Variants in EYS observed in about 807,000 individuals in gnomAD.
The protein encoded by EYS is EGF-like photoreceptor maintenance factor, also known as protein eyes shut homolog.
EYS carries 250 observed loss-of-function variants against 282.1 expected under a neutral mutation model. That is an observed-to-expected ratio of 0.89 (90% CI 0.80 to 0.98). The LOEUF is 0.98. Among genes scored for constraint, EYS ranks in the 50% least tolerant of loss-of-function variants. The probability of loss-of-function intolerance (pLI) is 0.00; values close to 1 mark genes in which losing one functional copy is unlikely to be tolerated. For missense variants in EYS, 4,016 were observed against 3,709.0 expected (o/e 1.08, Z -2.15); for synonymous variants, 1,355 against 1,282.9 (o/e 1.06, Z -1.20).
At chr6:63,794,557 C>T (rs565451561) in intron 37 of EYS, among the ~76,000 whole-genome samples, 3 of 152,126 alleles carry the variant, frequency 2.0e-5, no homozygotes, top group East Asian at 1.9e-4. Context: ...TGTAATGGGA[C>T]GTTCTTGGCT....
chr6:64,742,365 T>C (rs1772404988), intron 22 of EYS, among the ~76,000 whole-genome samples: 1 of 152,076 alleles, frequency 6.6e-6, no homozygotes, highest in South Asian at 2.1e-4. Context: ...CTGTAACAGA[T>C]TTAATGACAA....
chr6:64,778,124 T>A (rs908146139), intron 22 of EYS, among the ~76,000 whole-genome samples: 3 of 152,120 alleles, frequency 2.0e-5, no homozygotes, highest in Non-Finnish European at 4.4e-5. Context: ...TACATATCTC[T>A]CAGATGCCAG....
chr6:63,856,936 A>G lies in EYS; in HGVS notation c.7228+7250T>C, dbSNP rs115334641. Among the ~76,000 whole-genome samples, 520 of 152,328 alleles carry G rather than the reference A, an allele frequency of 3.4e-3. 4 individuals carry two copies. Among genetic ancestry groups the G allele is most frequent in the African/African-American group, 0.012 (494 of 41,586 alleles). ...CAGATACACTTAATAAAACATATTG[A>G]AATATGTAGTTCAGGGAAATCTTGA... On this transcript the variant is annotated intron_variant, in intron 36 of 42. Transcript: ENST00000503581.
At chr6:65,135,828 C>T (rs911924387) in intron 12 of EYS, among the ~76,000 whole-genome samples, 1 of 151,970 alleles carries the variant, frequency 6.6e-6, no homozygotes, top group Non-Finnish European at 1.5e-5. Flanking sequence ...TACTGGAACG[C>T]AGCTTTATAA....
rs1394786404 is a variant in EYS, at chr6:64,019,376, T to G, written c.6726-20193A>C. 3.3e-5 allele frequency among the ~76,000 whole-genome samples: 5 copies of G among 152,202 alleles called. No homozygotes were observed. The East Asian group carries it at 5.8e-4, about 18-fold the overall frequency. ...GTTTGTGTCCATTTCTTATAGTAGC[T>G]ACAAGAAACAAATAAAGGGCAAGAT... On this transcript the variant is annotated intron_variant, in intron 33 of 42. Transcript: ENST00000503581.
chr6:64,594,076 A>G (rs1450701712), intron 24 of EYS, among the ~76,000 whole-genome samples: 1 of 152,186 alleles, frequency 6.6e-6, no homozygotes, highest in Non-Finnish European at 1.5e-5. Context: ...TTAGTGTTCT[A>G]ATATTTGTTA....
At chr6:63,861,784 G>A (rs1772537320) in intron 36 of EYS, among the ~76,000 whole-genome samples, 1 of 152,138 alleles carries the variant, frequency 6.6e-6, no homozygotes, top group Non-Finnish European at 1.5e-5. Context: ...TTCCATGTGA[G>A]GACACAGTGA....
intron 22 of EYS, among the ~76,000 whole-genome samples, chr6:64,710,768 T>C (rs1771184611): frequency 6.6e-6 from 1 of 152,234 alleles, no homozygotes; most frequent in African/African-American, 2.4e-5. Flanking sequence ...AGAATATGAT[T>C]GGGGCAGATT....
At chr6:64,916,524 T>A (rs369854682) in intron 15 of EYS, among the ~76,000 whole-genome samples, 6 of 152,342 alleles carry the variant, frequency 3.9e-5, no homozygotes, top group African/African-American at 9.6e-5. Flanking sequence ...TTGAATCTGC[T>A]TCCGCACATG....
chr6:63,803,192 T>G (rs749224810), intron 37 of EYS, among the ~76,000 whole-genome samples: 4 of 152,104 alleles, frequency 2.6e-5, no homozygotes, highest in Non-Finnish European at 5.9e-5. Flanking sequence ...AGAATATCTG[T>G]TTTGAAACAA....
At chr6:65,456,280 G>A (rs112385963) in intron 5 of EYS, among the ~76,000 whole-genome samples, 28 of 151,824 alleles carry the variant, frequency 1.8e-4, no homozygotes, top group African/African-American at 5.8e-4. Context: ...GTGAAACCCC[G>A]TCTCTACTAA....
At chr6:65,476,200 C>T (rs187980397) in intron 5 of EYS, among the ~76,000 whole-genome samples, 10 of 152,058 alleles carry the variant, frequency 6.6e-5, no homozygotes, top group African/African-American at 1.7e-4. Context: ...TCTACCATGA[C>T]GCATGATATT....
intron 31 of EYS, among the ~76,000 whole-genome samples, chr6:64,159,851 G>A (rs949006504): frequency 3.9e-5 from 6 of 152,134 alleles, no homozygotes; most frequent in Non-Finnish European, 2.9e-5. Flanking sequence ...CCTGGTTAAA[G>A]GTTTGAAGTT....
Position 64,249,451 on chromosome 6 carries a change from G to A in EYS, c.6192-18627C>T, listed in dbSNP as rs1767133239. On this transcript the variant is annotated intron_variant, in intron 30 of 42. Coordinates refer to ENST00000503581, the MANE Select transcript of EYS (RefSeq NM_001142800.2). ...GGTACAATGTATCTTTTCAAGTGAT[G>A]GATATTCCAAAAGCCCTGACTTGAC... Among the ~76,000 whole-genome samples the A allele has an allele frequency of 2.0e-5, 3 of 152,076 alleles. No individual in the cohort carries two copies. In the South Asian group the frequency reaches 6.2e-4, roughly 32 times the overall value.
intron 31 of EYS, among the ~76,000 whole-genome samples, chr6:64,118,682 A>T (rs537096591): frequency 3.3e-5 from 5 of 152,266 alleles, no homozygotes; most frequent in African/African-American, 1.2e-4. Context: ...AAAATAGACA[A>T]ATAGGATTAT....
At chr6:65,418,834 A>C (rs1198171838) in intron 5 of EYS, among the ~76,000 whole-genome samples, 1 of 152,002 alleles carries the variant, frequency 6.6e-6, no homozygotes, top group Non-Finnish European at 1.5e-5. Context: ...TTTAGAAGAA[A>C]TAAAGAGAAA....
intron 26 of EYS, among the ~76,000 whole-genome samples, chr6:64,533,756 C>A (rs1476634851): frequency 6.6e-6 from 1 of 151,452 alleles, no homozygotes; most frequent in East Asian, 1.9e-4. Flanking sequence ...AACTAAGAAC[C>A]CAAAAAAGTA....
intron 29 of EYS, among the ~76,000 whole-genome samples, chr6:64,311,555 A>G (rs1769703325): frequency 6.6e-6 from 1 of 152,194 alleles, no homozygotes; most frequent in African/African-American, 2.4e-5. Context: ...AGCATTAATA[A>G]TAAAAACAAA....
chr6:64,681,905 C>A (rs1769912157), intron 22 of EYS, among the ~76,000 whole-genome samples: 1 of 152,132 alleles, frequency 6.6e-6, no homozygotes, highest in Non-Finnish European at 1.5e-5. Flanking sequence ...CTTGGGAATA[C>A]ATGTTTTTGC....
Sources: allele counts gnomAD v4.1 joint callset (sites outside exome capture counted in the v4.1 genomes callset), GRCh38; gene constraint gnomAD v4.1.1; transcripts MANE v1.5; gene names NCBI Gene and HGNC (gene_info 2026-07-23, HGNC 2026-07-21).